The following GNL1 variants were observed in gnomAD, a reference collection of about 807,000 sequenced individuals.
The protein encoded by GNL1 is guanine nucleotide-binding protein-like 1.
In GNL1, 21 loss-of-function variants were observed where a neutral mutation model predicts 75.2. The observed-to-expected ratio is 0.28, with a 90% CI of 0.20 to 0.40. The LOEUF (loss-of-function observed/expected upper bound fraction) is 0.40, where lower values mean the gene tolerates loss of function less well. GNL1 is among the 10% of genes least tolerant of loss of function. The pLI, the probability that GNL1 is intolerant of heterozygous loss-of-function variation, is 1.00. For synonymous variants in GNL1, 287 were observed against 303.4 expected (o/e 0.95, Z 0.56); for missense variants, 579 against 775.0 (o/e 0.75, Z 3.00).
Position 30,552,319 on chromosome 6 carries a change from C to T in GNL1, c.1099+148G>A. On this transcript the variant is annotated intron_variant, in intron 8 of 11. Coordinates refer to ENST00000376621, the MANE Select transcript of GNL1 (RefSeq NM_005275.5). This position sits in a 1 kb window ranked among gnomAD's most constrained non-coding sequence, Gnocchi z 4.5. Reference sequence around the variant, plus strand: ...CATGATCCTTCCACTGCAGCAGACGCCTCTTCTGCCTTGCCCACCGCCACT... The same window carrying T: ...CATGATCCTTCCACTGCAGCAGACGTCTCTTCTGCCTTGCCCACCGCCACT... The T allele has an allele frequency of 1.7e-6, 1 of 602,470 alleles. No individual in the cohort carries two copies. Among genetic ancestry groups the T allele is most frequent in the Non-Finnish European group, 2.9e-6 (1 of 340,726 alleles). 37.3% of individuals were successfully genotyped at this position (602,470 alleles called of 1,614,324 possible).
rs1263945541 is a variant in GNL1 at position 30,545,855 on chromosome 6, T to A, written c.*217A>T. ...ACCTACTAAACTCCTAAGAGAACTT[T>A]CCCTTGCAAAGAGAATGCATGAAAA... On this transcript the variant is annotated 3_prime_UTR_variant, in exon 12 of 12. Coordinates refer to ENST00000376621, the MANE Select transcript of GNL1 (RefSeq NM_005275.5). 1 of 546,396 alleles carries A rather than the reference T, an allele frequency of 1.8e-6. No individual in the cohort carries two copies. Among genetic ancestry groups the A allele is most frequent in the Non-Finnish European group, 3.2e-6 (1 of 316,412 alleles). 33.8% of individuals were successfully genotyped at this position (546,396 alleles called of 1,614,324 possible).
rs565079296 is a variant in GNL1, at chr6:30,548,500, C to T, written c.1100-970G>A. Reference sequence around the variant, plus strand: ...GACCCCTGACCTTAACACAGTAACACTATGCAATACCCAACTCGTGTCCTC... The same window carrying T: ...GACCCCTGACCTTAACACAGTAACATTATGCAATACCCAACTCGTGTCCTC... On this transcript the variant is annotated intron_variant, in intron 8 of 11. Transcript: ENST00000376621. The surrounding 1 kb of genome is among the most constrained non-coding windows in gnomAD (Gnocchi z 4.2). 2.2e-4 allele frequency among the ~76,000 whole-genome samples: 33 copies of T among 152,316 alleles called. No homozygotes were observed. The highest frequency in any genetic ancestry group is 7.5e-4 in the African/African-American group (31 of 41,558).
Position 30,556,289 on chromosome 6 carries a change from GC to G in GNL1, c.-87del. Reference sequence around the variant, plus strand: ...CCCCGGGGCAGCCCCCGCCGCAGGGGCCCGGGACCCTAGAGGAGGCGGGGCT... The same window carrying G: ...CCCCGGGGCAGCCCCCGCCGCAGGGGCCGGGACCCTAGAGGAGGCGGGGCT... On this transcript the variant is annotated 5_prime_UTR_variant, in exon 1 of 12. Coordinates refer to ENST00000376621, the MANE Select transcript of GNL1 (RefSeq NM_005275.5). This position sits in a 1 kb window ranked among gnomAD's most constrained non-coding sequence, Gnocchi z 5.7. 3 of 1,516,926 alleles carry G rather than the reference GC, an allele frequency of 2.0e-6. No individual in the cohort carries two copies. The highest frequency in any genetic ancestry group is 2.7e-6 in the Non-Finnish European group (3 of 1,110,160). The allele number at this position is 1,516,926 out of a possible 1,614,324, so 94.0% of individuals were successfully genotyped here. A position where few individuals can be genotyped will look rare whatever the true frequency, so the allele number is the denominator to read the frequency against.
Position 30,546,227 on chromosome 6 carries a change from C to G in GNL1, c.1669G>C (p.Glu557Gln). ...TCACAGGAGCTGCTCAGCTCTTCCT[C>G]TTCCTCCTCCTCCTCGTCACCTGCT... ...GPAGDEEEEE[E>Q]EELSSSCEEE... The change falls in exon 12 of 12, where the codon GAG becomes CAG. Residue 557 changes from glutamate (E) to glutamine (Q), a missense_variant. Transcript: ENST00000376621. This position sits in a 1 kb window ranked among gnomAD's most constrained non-coding sequence, Gnocchi z 5.1. 1 of 1,567,710 alleles carries G rather than the reference C, an allele frequency of 6.4e-7. No homozygotes were observed. Among genetic ancestry groups the G allele is most frequent in the Non-Finnish European group, 8.7e-7 (1 of 1,151,878 alleles).
In GNL1 at chr6:30,552,730, C is replaced by T. The variant is rs549908280; in HGVS notation, c.905-69G>A. ...GCTGTGCATGATGGCACATACTGTG[C>T]CCTGCACAGATTATGTAACTGGCAC... is the stretch of plus-strand genomic sequence containing the variant. On this transcript the variant is annotated intron_variant, in intron 7 of 11. Coordinates refer to ENST00000376621, the MANE Select transcript of GNL1 (RefSeq NM_005275.5). The surrounding 1 kb of genome is among the most constrained non-coding windows in gnomAD (Gnocchi z 4.5). 1.9e-5 allele frequency: 26 copies of T among 1,395,766 alleles called. No homozygotes were observed. In the South Asian group the frequency reaches 2.3e-4, roughly 12 times the overall value. The allele number at this position is 1,395,766 out of a possible 1,614,324, so 86.5% of individuals were successfully genotyped here. A position where few individuals can be genotyped will look rare whatever the true frequency, so the allele number is the denominator to read the frequency against.
Position 30,544,914 on chromosome 6 carries a change from C to G in GNL1, c.*1158G>C, listed in dbSNP as rs1799366381. The G allele has an allele frequency of 6.6e-6, 1 of 152,142 alleles. No homozygotes were observed. The highest frequency in any genetic ancestry group is 2.4e-5 in the African/African-American group (1 of 41,432). 9.4% of individuals were successfully genotyped at this position (152,142 alleles called of 1,614,324 possible). On this transcript the variant is annotated 3_prime_UTR_variant, in exon 12 of 12. Transcript: ENST00000376621. Reference sequence around the variant, plus strand: ...TATCATCCAATACAGACAACACTGGCAGTCAATAAAAAAGCTCATTCTCCC... The same window carrying G: ...TATCATCCAATACAGACAACACTGGGAGTCAATAAAAAAGCTCATTCTCCC...
chr6:30,556,431 G>C lies in GNL1; in HGVS notation c.-228C>G. The C allele has an allele frequency of 1.7e-6, 1 of 594,826 alleles. No homozygotes were observed. The highest frequency in any genetic ancestry group is 3.0e-6 in the Non-Finnish European group (1 of 336,622). The allele number at this position is 594,826 out of a possible 1,614,324, so 36.8% of individuals were successfully genotyped here. A position where few individuals can be genotyped will look rare whatever the true frequency, so the allele number is the denominator to read the frequency against. ...GAGCGAGGCGAGAGGATGATGCGGG[G>C]TGGGCTACTGGCACGTGAGAGCCAG... is the stretch of plus-strand genomic sequence containing the variant. On this transcript the variant is annotated 5_prime_UTR_variant, in exon 1 of 12. Transcript: ENST00000376621. The surrounding 1 kb of genome is among the most constrained non-coding windows in gnomAD (Gnocchi z 5.7).
At position 30,547,217 on chromosome 6, in the gene GNL1, A is replaced by G; in HGVS notation, c.1336T>C (p.Tyr446His). 1.9e-6 allele frequency: 3 copies of G among 1,613,292 alleles called. No individual in the cohort carries two copies. The highest frequency in any genetic ancestry group is 1.1e-5 in the South Asian group (1 of 91,044). ...TGCACGGGAATTCGGGAGGCCAGGT[A>G]GCCCACAGCAGTGTAGGGCTCCTGG... The part of the protein sequence containing the change: ...QIQEPYTAVG[Y>H]LASRIPVQAL... Residue 446 changes from tyrosine to histidine, a missense_variant, in exon 10 of 12, where the codon TAC becomes CAC. Physicochemically the swap from Tyr to His is moderately conservative, Grantham distance 83. Coordinates refer to ENST00000376621, the MANE Select transcript of GNL1 (RefSeq NM_005275.5). This position sits in a 1 kb window ranked among gnomAD's most constrained non-coding sequence, Gnocchi z 5.5.
chr6:30,547,053 G>A lies in GNL1; in HGVS notation c.1441+59C>T. 1 of 1,459,484 alleles carries A rather than the reference G, an allele frequency of 6.9e-7. No homozygotes were observed. The allele number at this position is 1,459,484 out of a possible 1,614,324, so 90.4% of individuals were successfully genotyped here. On this transcript the variant is annotated intron_variant, in intron 10 of 11. Coordinates refer to ENST00000376621, the MANE Select transcript of GNL1 (RefSeq NM_005275.5). This position sits in a 1 kb window ranked among gnomAD's most constrained non-coding sequence, Gnocchi z 5.5. The stretch of plus-strand genomic sequence containing the variant: ...GGAGACAGGGAAGGGTAAAAGGCGA[G>A]GCAGGTAAGGAAGAGCAGCTGAAAC...
intron 8 of GNL1, among the ~76,000 whole-genome samples, chr6:30,550,958 C>T (rs1006093446): frequency 6.6e-6 from 1 of 152,176 alleles, no homozygotes; most frequent in South Asian, 2.1e-4. Flanking sequence ...ACTCTCTATC[C>T]CCTTTCATTG....
At position 30,545,318 on chromosome 6, in the gene GNL1, A is replaced by G. The variant is rs886896736; in HGVS notation, c.*754T>C. On this transcript the variant is annotated 3_prime_UTR_variant, in exon 12 of 12. Transcript: ENST00000376621. The stretch of plus-strand genomic sequence containing the variant: ...AAAACTACTCGTACACATTTAATCA[A>G]CATTTTCACAAGCGTTTTGCCTTAA... 6.6e-6 allele frequency: 1 copy of G among 152,256 alleles called. No individual in the cohort carries two copies. The highest frequency in any genetic ancestry group is 1.5e-5 in the Non-Finnish European group (1 of 68,058). 9.4% of individuals were successfully genotyped at this position (152,256 alleles called of 1,614,324 possible).
At chr6:30,554,507 GC>G in intron 5 of GNL1, 67 bp downstream of exon 5, 1 of 871,662 alleles carries the variant, frequency 1.1e-6, no homozygotes, top group Non-Finnish European at 2.0e-6. Flanking sequence ...CCCAACTCTT[GC>G]CTCTGACCTT....
rs1448730292 is a variant in GNL1, at chr6:30,543,540, A to C, written c.*2532T>G. On this transcript the variant is annotated 3_prime_UTR_variant, in exon 12 of 12. Transcript: ENST00000376621. Reference sequence around the variant, plus strand: ...TTAGTTATGACAGTTCAATAGAAACACGTAAAATAATGCTTTTATAGTTTA... The same window carrying C: ...TTAGTTATGACAGTTCAATAGAAACCCGTAAAATAATGCTTTTATAGTTTA... 1.3e-5 allele frequency: 2 copies of C among 152,120 alleles called. No individual in the cohort carries two copies. Among genetic ancestry groups the C allele is most frequent in the Non-Finnish European group, 2.9e-5 (2 of 68,030 alleles). 9.4% of individuals were successfully genotyped at this position (152,120 alleles called of 1,614,324 possible).
chr6:30,553,050 G>T (rs541934202), intron 7 of GNL1, 34 bp downstream of exon 7: 2 of 1,394,788 alleles, frequency 1.4e-6, no homozygotes, highest in South Asian at 1.2e-5. Flanking sequence ...TCTCCCCCAT[G>T]TCCTCCTACA....
rs1799174951 is a variant in GNL1, at chr6:30,541,693, T to A, written c.*4379A>T. On this transcript the variant is annotated 3_prime_UTR_variant, in exon 12 of 12. Transcript: ENST00000376621. ...GTCCATTTACCAACGGCTGTTGCGA[T>A]CTCTTAATTAGCTTGAACTGAGTTT... The A allele has an allele frequency of 1.3e-5, 2 of 152,270 alleles. No homozygotes were observed. The highest frequency in any genetic ancestry group is 1.3e-4 in the Admixed American group (2 of 15,288). 9.4% of individuals were successfully genotyped at this position (152,270 alleles called of 1,614,324 possible).
rs768482292 is a variant in GNL1 at position 30,548,102 on chromosome 6, G to A, written c.1100-572C>T. Among the ~76,000 whole-genome samples the A allele has an allele frequency of 2.0e-5, 3 of 152,150 alleles. No homozygotes were observed. The highest frequency in any genetic ancestry group is 4.4e-5 in the Non-Finnish European group (3 of 68,026). ...GAGGCAGGAGAACCACTTGAACCCA[G>A]GAGGCGGAGGTTGCAGTGAGCTGAG... is the stretch of plus-strand genomic sequence containing the variant. On this transcript the variant is annotated intron_variant, in intron 8 of 11. Coordinates refer to ENST00000376621, the MANE Select transcript of GNL1 (RefSeq NM_005275.5). The surrounding 1 kb of genome is among the most constrained non-coding windows in gnomAD (Gnocchi z 4.2).
chr6:30,549,951 G>GT (rs1473947192), intron 8 of GNL1, among the ~76,000 whole-genome samples: 3 of 151,692 alleles, frequency 2.0e-5, no homozygotes, highest in Non-Finnish European at 4.4e-5. Flanking sequence ...ACCCTCCTGA[G>GT]TATCTGGGAC....
Position 30,547,311 on chromosome 6 carries a change from C to T in GNL1, c.1279-37G>A. The stretch of plus-strand genomic sequence containing the variant: ...GAGCACTCAGTACTTTCCTCAATGT[C>T]CCACCTTCTCTCTTTCCCTTACCCA... On this transcript the variant is annotated intron_variant, in intron 9 of 11. Transcript: ENST00000376621. This position sits in a 1 kb window ranked among gnomAD's most constrained non-coding sequence, Gnocchi z 5.5. 6.3e-7 allele frequency: 1 copy of T among 1,581,078 alleles called. No homozygotes were observed. Among genetic ancestry groups the T allele is most frequent in the Middle Eastern group, 1.7e-4 (1 of 5,888 alleles).
intron 5 of GNL1, 50 bp from the exon 6 acceptor site, chr6:30,553,607 T>A (rs1799940211): frequency 1.5e-6 from 2 of 1,322,334 alleles, no homozygotes; most frequent in Non-Finnish European, 1.1e-6. Flanking sequence ...AACCCAGAGT[T>A]CTCTGCCTCC....
Sources: gnomAD v4.1 joint callset for allele counts (sites outside exome capture counted in the v4.1 genomes callset) on GRCh38, gnomAD v4.1.1 for gene constraint, Gnocchi (gnomAD v3.1) non-coding constraint, MANE v1.5 for transcripts, NCBI Gene and HGNC (gene_info 2026-07-23, HGNC 2026-07-21) for gene names.